Variants in MIB1 observed in about 807,000 individuals in gnomAD.
MIB1 encodes E3 ubiquitin-protein ligase MIB1.
A neutral mutation model predicts 124.5 loss-of-function variants in MIB1; 278 were observed. The observed-to-expected ratio is 2.23, with a 90% CI of 2.02 to 2.47. The LOEUF is 2.47. MIB1 is among the 30% of genes most tolerant of loss of function. The pLI is 0.00. For synonymous variants in MIB1, 446 were observed against 429.4 expected, an observed-to-expected ratio of 1.04 and a Z score of -0.48; for missense variants, 957 against 1,254.4, an observed-to-expected ratio of 0.76 and a Z score of 3.58.
At chr18:21,776,387 G>A (rs754927910) in intron 4 of MIB1, among the ~76,000 whole-genome samples, 1 of 152,148 alleles carries the variant, frequency 6.6e-6, no homozygotes, top group Non-Finnish European at 1.5e-5. Flanking sequence ...GTGCGTGTGT[G>A]TGCACATGCA....
At chr18:21,828,223 A>C (rs1029230095) in intron 12 of MIB1, 1 of 151,952 alleles carries the variant, frequency 6.6e-6, no homozygotes, top group Non-Finnish European at 1.5e-5. Flanking sequence ...GGAGAAAGCA[A>C]ATTCGAAGAT....
chr18:21,725,011 C>T (rs866436631), intron 1 of MIB1, among the ~76,000 whole-genome samples: 5 of 141,964 alleles, frequency 3.5e-5, no homozygotes, highest in Non-Finnish European at 6.0e-5. Flanking sequence ...AGGAGAATGG[C>T]GTGAACGCGG....
intron 10 of MIB1, among the ~76,000 whole-genome samples, chr18:21,806,052 A>G (rs1388655759): frequency 1.3e-5 from 2 of 151,074 alleles, no homozygotes; most frequent in African/African-American, 4.9e-5. Flanking sequence ...ACAGATGTGC[A>G]CCATTACGCT....
chr18:21,847,008 T>G lies in MIB1; in HGVS notation c.2276T>G (p.Leu759Trp). 6.2e-7 allele frequency: 1 copy of G among 1,614,174 alleles called. No homozygotes were observed. Among genetic ancestry groups the G allele is most frequent in the Non-Finnish European group, 8.5e-7 (1 of 1,180,026 alleles). ...KKSAASIACF[L>W]AANGADLSIR... ...AGTGCAGCATCTATTGCCTGTTTCT[T>G]GGCAGCCAATGGTGCTGACCTGAGC... Residue 759 changes from leucine (L) to tryptophan (W), a missense_variant, in exon 16 of 21, where the codon TTG becomes TGG. Physicochemically the swap from Leu to Trp is moderately conservative, Grantham distance 61. Coordinates refer to ENST00000261537, the MANE Select transcript of MIB1 (RefSeq NM_020774.4).
At chr18:21,808,557 A>G (rs1165753022) in intron 10 of MIB1, among the ~76,000 whole-genome samples, 4 of 152,222 alleles carry the variant, frequency 2.6e-5, no homozygotes, top group East Asian at 1.9e-4. Context: ...GGTACATAGC[A>G]TACCTTTGGA....
intron 1 of MIB1, among the ~76,000 whole-genome samples, chr18:21,747,202 T>C (rs2040921551): frequency 6.6e-6 from 1 of 152,224 alleles, no homozygotes; most frequent in South Asian, 2.1e-4. Flanking sequence ...AATGTCTTTC[T>C]TATTTTATTT....
chr18:21,727,583 A>AAAAC (rs1055889843), intron 1 of MIB1, among the ~76,000 whole-genome samples: 2 of 152,152 alleles, frequency 1.3e-5, no homozygotes, highest in Non-Finnish European at 2.9e-5. Context: ...TTATCTACAA[A>AAAAC]AAACAAACAA....
rs1218383555 is a variant in MIB1 at position 21,725,094 on chromosome 18, CAAAAAAAAAAA to C, written n.167+19983_167+19993del. The stretch of plus-strand genomic sequence containing the variant: ...TGGGTGACAGAGCGAGACTCTGTCT[CAAAAAAAAAAA>C]AAAAAAAAAAAGACGAATGTCATAA... On this transcript the variant is annotated intron_variant and non_coding_transcript_variant, in intron 1 of 20. Coordinates refer to the MIB1 transcript ENST00000578646. 1.1e-4 allele frequency among the ~76,000 whole-genome samples: 5 copies of C among 44,208 alleles called. No homozygotes were observed. The East Asian group carries it at 3.6e-3, about 32-fold the overall frequency. The allele number at this position is 44,208 out of a possible 152,430, so 29.0% of individuals were successfully genotyped here.
At chr18:21,738,572 C>G (rs983789587), upstream of MIB1, among the ~76,000 whole-genome samples, 1 of 151,800 alleles carries the variant, frequency 6.6e-6, no homozygotes, top group Non-Finnish European at 1.5e-5. Context: ...CTTTGGGAGG[C>G]CGAGGCGGGC....
At chr18:21,840,949 A>G (rs1207068475) in intron 13 of MIB1, among the ~76,000 whole-genome samples, 1 of 152,156 alleles carries the variant, frequency 6.6e-6, no homozygotes, top group Non-Finnish European at 1.5e-5. Context: ...TTAATAAATA[A>G]CACTTCATCA....
Position 21,868,840 on chromosome 18 carries a change from T to G in MIB1, c.*4174T>G, listed in dbSNP as rs2042337965. The stretch of plus-strand genomic sequence containing the variant: ...TTTAATGCTGTCTCGTGTACATTGC[T>G]TTACTACAGTGAGGGGGAATATCCT... On this transcript the variant is annotated 3_prime_UTR_variant, in exon 21 of 21. Coordinates refer to ENST00000261537, the MANE Select transcript of MIB1 (RefSeq NM_020774.4). 6.6e-6 allele frequency: 1 copy of G among 152,440 alleles called. No homozygotes were observed. The highest frequency in any genetic ancestry group is 2.4e-5 in the African/African-American group (1 of 41,458). 9.4% of individuals were successfully genotyped at this position (152,440 alleles called of 1,614,324 possible). A position where few individuals can be genotyped will look rare whatever the true frequency, so the allele number is the denominator to read the frequency against.
intron 1 of MIB1, among the ~76,000 whole-genome samples, chr18:21,722,255 C>T (rs1026691788): frequency 1.3e-5 from 2 of 151,992 alleles, no homozygotes; most frequent in Non-Finnish European, 2.9e-5. Context: ...AGCGTTTCAC[C>T]ATGTTGGCCA....
At chr18:21,753,995 T>G (rs2041003634) in intron 1 of MIB1, among the ~76,000 whole-genome samples, 1 of 152,174 alleles carries the variant, frequency 6.6e-6, no homozygotes, top group Non-Finnish European at 1.5e-5. Flanking sequence ...GCATTTCTGA[T>G]GGATGTATGC....
intron 1 of MIB1, among the ~76,000 whole-genome samples, chr18:21,727,369 G>C (rs921854052): frequency 4.6e-5 from 7 of 152,136 alleles, no homozygotes; most frequent in African/African-American, 1.7e-4. Context: ...CTTGCCTCAA[G>C]TGATCCGCCC....
chr18:21,741,407 T>G lies in MIB1; in HGVS notation c.-177T>G. 3 of 263,604 alleles carry G rather than the reference T, an allele frequency of 1.1e-5. No homozygotes were observed. The highest frequency in any genetic ancestry group is 1.4e-5 in the Non-Finnish European group (2 of 147,224). 16.3% of individuals were successfully genotyped at this position (263,604 alleles called of 1,614,324 possible). A position where few individuals can be genotyped will look rare whatever the true frequency, so the allele number is the denominator to read the frequency against. On this transcript the variant is annotated 5_prime_UTR_variant, in exon 1 of 21. Transcript: ENST00000261537. The surrounding 1 kb of genome is among the most constrained non-coding windows in gnomAD (Gnocchi z 5.4). ...GCGGCGGCGACAGCTGGGCAGCGGC[T>G]TTGGGCTCCGCGGGGACCGCGCCGC...
At chr18:21,793,728 C>T (rs111646675) in intron 7 of MIB1, among the ~76,000 whole-genome samples, 2 of 117,366 alleles carry the variant, frequency 1.7e-5, no homozygotes, top group African/African-American at 6.7e-5. Flanking sequence ...CTACAGTGAG[C>T]AGAGATCACA....
At chr18:21,838,291 CATTT>C in intron 12 of MIB1, 70 bp from the exon 13 acceptor site, 2 of 1,048,256 alleles carry the variant, frequency 1.9e-6, no homozygotes, top group Non-Finnish European at 2.7e-6. Context: ...GGAGTATCTT[CATTT>C]GATTGCAAAC....
At chr18:21,840,658 TATATATA>T (rs1405491191) in intron 13 of MIB1, among the ~76,000 whole-genome samples, 8 of 1,726 alleles carry the variant, frequency 4.6e-3, no homozygotes, top group Admixed American at 9.6e-3. Context: ...TATATATATA[TATATATA>T]TTTTTTTTTT....
At chr18:21,787,222 C>T (rs1051776853) in intron 6 of MIB1, among the ~76,000 whole-genome samples, 8 of 151,998 alleles carry the variant, frequency 5.3e-5, no homozygotes, top group Non-Finnish European at 2.9e-5. Context: ...CTGAATTGGG[C>T]GGGAAGGAGT....
Sources: allele counts gnomAD v4.1 joint callset (sites outside exome capture counted in the v4.1 genomes callset), GRCh38; gene constraint gnomAD v4.1.1; non-coding constraint Gnocchi (gnomAD v3.1); transcripts MANE v1.5; gene names NCBI Gene and HGNC (gene_info 2026-07-23, HGNC 2026-07-21).